The following EPB41L5 variants were observed in gnomAD, a reference collection of about 807,000 sequenced individuals.
EPB41L5 encodes the protein erythrocyte membrane protein band 4.1 like 5.
In EPB41L5, 55 loss-of-function variants were observed where a neutral mutation model predicts 106.6. That is an observed-to-expected ratio of 0.52 (90% CI 0.42 to 0.65). EPB41L5 has a LOEUF of 0.65. EPB41L5 is among the 30% of genes least tolerant of loss of function. EPB41L5 has a pLI of 0.00. For missense variants in EPB41L5, 871 were observed against 882.1 expected (o/e 0.99, Z 0.16); for synonymous variants, 297 against 306.7 (o/e 0.97, Z 0.33).
In EPB41L5 at chr2:120,066,018, A is replaced by T. The variant is rs73952008; in HGVS notation, c.286-7160A>T. Among the ~76,000 whole-genome samples the T allele has an allele frequency of 5.3e-3, 801 of 152,146 alleles. 4 individuals are homozygous for T. The highest frequency in any genetic ancestry group is 0.019 in the African/African-American group (771 of 41,510). ...TCTTCCCTGTTTGAGGAAACTCTGG[A>T]AGGAATCAAGAGAAACCAGTAACAT... On this transcript the variant is annotated intron_variant, in intron 3 of 24. Coordinates refer to ENST00000263713, the MANE Select transcript of EPB41L5 (RefSeq NM_020909.4).
chr2:120,130,894 A>G (rs1685659022), intron 17 of EPB41L5, among the ~76,000 whole-genome samples: 1 of 152,220 alleles, frequency 6.6e-6, no homozygotes, highest in African/African-American at 2.4e-5. Flanking sequence ...TATAGAAATT[A>G]TTAGGCATTC....
intron 3 of EPB41L5, among the ~76,000 whole-genome samples, chr2:120,046,604 T>C (rs1464869456): frequency 6.6e-6 from 1 of 152,014 alleles, no homozygotes; most frequent in Non-Finnish European, 1.5e-5. Context: ...TCCCATTCTG[T>C]AGGTTGCCTG....
intron 16 of EPB41L5, among the ~76,000 whole-genome samples, chr2:120,116,758 G>A (rs1462197325): frequency 2.6e-5 from 4 of 151,744 alleles, no homozygotes; most frequent in Non-Finnish European, 5.9e-5. Context: ...GAACTCCTGA[G>A]CTCAAGTGAT....
chr2:120,066,829 T>C (rs956992332), intron 3 of EPB41L5, among the ~76,000 whole-genome samples: 2 of 152,224 alleles, frequency 1.3e-5, no homozygotes. Flanking sequence ...TCTTACTCAG[T>C]ATGTGATTTG....
chr2:120,173,022 G>C (rs1390582661), intron 24 of EPB41L5, among the ~76,000 whole-genome samples: 1 of 152,110 alleles, frequency 6.6e-6, no homozygotes, highest in Non-Finnish European at 1.5e-5. Context: ...AAGACCGGGA[G>C]TTCAAGACCA....
chr2:120,126,793 T>C (rs1411356296), intron 16 of EPB41L5, among the ~76,000 whole-genome samples: 1 of 152,200 alleles, frequency 6.6e-6, no homozygotes, highest in African/African-American at 2.4e-5. Flanking sequence ...TAGGATTGGC[T>C]GGTCAATTCT....
chr2:120,119,622 C>T (rs1475869800), intron 16 of EPB41L5, among the ~76,000 whole-genome samples: 2 of 144,946 alleles, frequency 1.4e-5, no homozygotes, highest in African/African-American at 5.3e-5. Context: ...GTCCTTTCTC[C>T]ATTTCTTTCT....
In EPB41L5 at chr2:120,177,972, T is replaced by C. The variant is rs558235302; in HGVS notation, c.*3065T>C. ...TCCTTCAGAAGTCTTGTTAGCAGAA[T>C]TATTTATCAGTCACAGAGAGAAAAA... On this transcript the variant is annotated 3_prime_UTR_variant, in exon 25 of 25. Coordinates refer to ENST00000263713, the MANE Select transcript of EPB41L5 (RefSeq NM_020909.4). 2 of 152,512 alleles carry C rather than the reference T, an allele frequency of 1.3e-5. No homozygotes were observed. Among genetic ancestry groups the C allele is most frequent in the African/African-American group, 2.4e-5 (1 of 41,584 alleles). 9.4% of individuals were successfully genotyped at this position (152,512 alleles called of 1,614,324 possible).
intron 18 of EPB41L5, among the ~76,000 whole-genome samples, chr2:120,136,152 ATT>A (rs78827477): frequency 1.7e-4 from 24 of 140,914 alleles, no homozygotes; most frequent in Admixed American, 3.6e-4. Flanking sequence ...TTGCTTGTTA[ATT>A]TTTTTTTTTT....
chr2:120,103,495 A>G (rs979988565), intron 16 of EPB41L5, among the ~76,000 whole-genome samples: 26 of 152,198 alleles, frequency 1.7e-4, no homozygotes, highest in African/African-American at 6.0e-4. Flanking sequence ...CTCTATTGCT[A>G]ATTGGGAACA....
intron 14 of EPB41L5, among the ~76,000 whole-genome samples, chr2:120,093,515 A>T (rs1683550798): frequency 6.6e-6 from 1 of 152,252 alleles, no homozygotes; most frequent in Admixed American, 6.5e-5. Flanking sequence ...AGAGAATGAC[A>T]TACCTTTGTT....
chr2:120,094,066 A>G (rs1323343204), intron 14 of EPB41L5, among the ~76,000 whole-genome samples: 1 of 152,118 alleles, frequency 6.6e-6, no homozygotes, highest in Non-Finnish European at 1.5e-5. Context: ...GGCTCACTGC[A>G]GCCTCTCCCT....
chr2:120,121,143 A>G (rs1239493361), intron 16 of EPB41L5, among the ~76,000 whole-genome samples: 1 of 152,128 alleles, frequency 6.6e-6, no homozygotes, highest in Admixed American at 6.5e-5. Context: ...TGAGATGGTA[A>G]AGCCATTGAA....
Position 120,132,365 on chromosome 2 carries a change from T to C in EPB41L5, c.1599+650T>C, listed in dbSNP as rs190011974. On this transcript the variant is annotated intron_variant, in intron 18 of 24. Coordinates refer to ENST00000263713, the MANE Select transcript of EPB41L5 (RefSeq NM_020909.4). ...AATGACCTGGAAATGGCCTTTTTTT[T>C]CCCTCTACATACAGACAACTGATAA... is the stretch of plus-strand genomic sequence containing the variant. 6.6e-4 allele frequency among the ~76,000 whole-genome samples: 100 copies of C among 152,332 alleles called. 1 individual carries two copies. The highest frequency in any genetic ancestry group is 3.0e-3 in the Admixed American group (46 of 15,306).
intron 2 of EPB41L5, among the ~76,000 whole-genome samples, chr2:120,037,276 G>A (rs2105192550): frequency 6.6e-6 from 1 of 152,206 alleles, no homozygotes; most frequent in Non-Finnish European, 1.5e-5. Context: ...AAATAAGAAG[G>A]AAGATATCCC....
At chr2:120,167,359 A>G (rs1056238882) in intron 22 of EPB41L5, 107 bp from the exon 23 acceptor site, 8 of 922,198 alleles carry the variant, frequency 8.7e-6, no homozygotes, top group African/African-American at 3.3e-5. Context: ...AGAATTAAGA[A>G]TTGCCCTCCT....
At chr2:120,082,284 A>G (rs551107499) in intron 10 of EPB41L5, among the ~76,000 whole-genome samples, 1 of 152,310 alleles carries the variant, frequency 6.6e-6, no homozygotes, top group African/African-American at 2.4e-5. Flanking sequence ...GATACATCCC[A>G]TCAATACCTA....
rs375620633 is a variant in EPB41L5 at position 120,174,833 on chromosome 2, C to T, written c.2136-8C>T. ...TTCCCTGAGTAACCCATTCTCTCTT[C>T]CTTTCAGCTCTGGTCCCATTTTGGC... On this transcript the variant is annotated splice_polypyrimidine_tract_variant and splice_region_variant and intron_variant, in intron 24 of 24. Transcript: ENST00000263713. 26 of 1,614,076 alleles carry T rather than the reference C, an allele frequency of 1.6e-5. No homozygotes were observed. In the African/African-American group the frequency reaches 3.3e-4, roughly 21 times the overall value.
chr2:120,029,382 A>G (rs1678552794), intron 2 of EPB41L5, among the ~76,000 whole-genome samples: 1 of 152,156 alleles, frequency 6.6e-6, no homozygotes, highest in South Asian at 2.1e-4. Flanking sequence ...CAATATACAA[A>G]TTTTGTATTT....
Sources: gnomAD v4.1 joint callset for allele counts (sites outside exome capture counted in the v4.1 genomes callset) on GRCh38, gnomAD v4.1.1 for gene constraint, MANE v1.5 for transcripts, NCBI Gene and HGNC (gene_info 2026-07-23, HGNC 2026-07-21) for gene names.